GLDC: variants seen among roughly 807,000 people sequenced by gnomAD.
GLDC encodes glycine decarboxylase.
GLDC carries 104 observed loss-of-function variants against 121.3 expected under a neutral mutation model. That is an observed-to-expected ratio of 0.86 (90% confidence interval 0.73 to 1.01). GLDC has a LOEUF of 1.01. Among genes scored for constraint, GLDC ranks in the 50% least tolerant of loss-of-function variants. The pLI is 0.00. For missense variants in GLDC, 1,429 were observed against 1,306.6 expected (o/e 1.09, Z -1.44); for synonymous variants, 546 against 480.6 (o/e 1.14, Z -1.78).
intron 2 of GLDC, among the ~76,000 whole-genome samples, chr9:6,640,823 G>C (rs1245807164): frequency 1.3e-5 from 2 of 152,142 alleles, no homozygotes; most frequent in Non-Finnish European, 2.9e-5. Flanking sequence ...TTTTAACTTT[G>C]AATTAATTAT....
chr9:6,573,189 C>T lies in GLDC; in HGVS notation c.1851-7760G>A, dbSNP rs1438484010. Among the ~76,000 whole-genome samples, 5 of 152,148 alleles carry T rather than the reference C, an allele frequency of 3.3e-5. No homozygotes were observed. The East Asian group carries it at 7.7e-4, about 24-fold the overall frequency. ...ACTAGGGAGGCTGAGACACAAGAAT[C>T]GCTGTAATCCCAGCACTTTGGGAGG... On this transcript the variant is annotated intron_variant, in intron 15 of 24. Coordinates refer to ENST00000321612, the MANE Select transcript of GLDC (RefSeq NM_000170.3).
At chr9:6,603,528 T>A (rs753388980) in intron 7 of GLDC, among the ~76,000 whole-genome samples, 1 of 145,502 alleles carries the variant, frequency 6.9e-6, no homozygotes. Context: ...TGAGACTTGG[T>A]CTCAAAATAA....
At chr9:6,568,543 T>C (rs971721360) in intron 15 of GLDC, among the ~76,000 whole-genome samples, 1 of 152,230 alleles carries the variant, frequency 6.6e-6, no homozygotes, top group East Asian at 1.9e-4. Context: ...GCTTAAACTG[T>C]CCTAGAAAAA....
chr9:6,558,503 C>T, intron 17 of GLDC, 56 bp downstream of exon 17: 1 of 1,597,902 alleles, frequency 6.3e-7, no homozygotes, highest in South Asian at 1.1e-5. Flanking sequence ...AGTCCCTGAT[C>T]CCCACCAGCA....
intron 1 of GLDC, 187 bp from the exon 2 acceptor site, chr9:6,644,879 A>C: frequency 1.6e-6 from 1 of 641,992 alleles, no homozygotes; most frequent in Non-Finnish European, 2.8e-6. Context: ...AGTGGGGTGG[A>C]GATTCCGCCA....
chr9:6,618,966 AC>A lies in GLDC; in HGVS notation c.470+1217del, dbSNP rs1221447673. Among the ~76,000 whole-genome samples, 3 of 151,596 alleles carry A rather than the reference AC, an allele frequency of 2.0e-5. No individual in the cohort carries two copies. In the East Asian group the frequency reaches 5.9e-4, roughly 30 times the overall value. ...AGACCAGCCTGGCCAAGATGGTGAAACCCCGTCTCTACTAAAAATGCAAAAA... is the reference window on the plus strand; with the variant it reads ...AGACCAGCCTGGCCAAGATGGTGAAACCCGTCTCTACTAAAAATGCAAAAA... On this transcript the variant is annotated intron_variant, in intron 3 of 24. Transcript: ENST00000321612.
At chr9:6,618,211 T>G (rs965806281) in intron 3 of GLDC, among the ~76,000 whole-genome samples, 1 of 152,186 alleles carries the variant, frequency 6.6e-6, no homozygotes, top group Admixed American at 6.5e-5. Context: ...AAATAAAATT[T>G]CAACTCAGTG....
chr9:6,552,715 C>T (rs1817540130), intron 20 of GLDC, among the ~76,000 whole-genome samples: 1 of 152,130 alleles, frequency 6.6e-6, no homozygotes, highest in Non-Finnish European at 1.5e-5. Context: ...TTCTTATTCA[C>T]AGTCTTGTCA....
intron 11 of GLDC, among the ~76,000 whole-genome samples, chr9:6,591,342 A>T (rs887604582): frequency 6.6e-6 from 1 of 152,164 alleles, no homozygotes; most frequent in African/African-American, 2.4e-5. Context: ...CTCCCAGAAC[A>T]TCTTCACACA....
At chr9:6,555,711 G>C (rs1008136344) in intron 18 of GLDC, among the ~76,000 whole-genome samples, 1 of 152,180 alleles carries the variant, frequency 6.6e-6, no homozygotes, top group Non-Finnish European at 1.5e-5. Context: ...AGAACTGCTT[G>C]AACCCAGGAG....
rs775838335 is a variant in GLDC at position 6,605,302 on chromosome 9, C to T, written c.714-24G>A. ...ATCTGGAAAGACAGACAACAAAGAA[C>T]AATCGTGCTTTCGGTTTATAAGGGA... On this transcript the variant is annotated intron_variant, in intron 5 of 24. Coordinates refer to ENST00000321612, the MANE Select transcript of GLDC (RefSeq NM_000170.3). 6 of 1,612,480 alleles carry T rather than the reference C, an allele frequency of 3.7e-6. No homozygotes were observed. The East Asian group carries it at 8.9e-5, about 24-fold the overall frequency.
At chr9:6,643,376 C>A (rs1048809951) in intron 2 of GLDC, among the ~76,000 whole-genome samples, 1 of 151,162 alleles carries the variant, frequency 6.6e-6, no homozygotes, top group South Asian at 2.1e-4. Context: ...AGGCTCCATA[C>A]CTCAAATGTC....
intron 15 of GLDC, among the ~76,000 whole-genome samples, chr9:6,578,503 G>A (rs771711073): frequency 3.3e-5 from 5 of 151,898 alleles, no homozygotes; most frequent in African/African-American, 7.3e-5. Flanking sequence ...TTTGATATGC[G>A]GTATCTTCAT....
At chr9:6,535,831 C>A in intron 23 of GLDC, 1 of 551,310 alleles carries the variant, frequency 1.8e-6, no homozygotes, top group Admixed American at 3.0e-5. Context: ...GTTACAAATT[C>A]TCCAACTAGA....
chr9:6,610,422 C>A (rs1299296521), intron 3 of GLDC, 66 bp from the exon 4 acceptor site: 3 of 1,510,096 alleles, frequency 2.0e-6, no homozygotes, highest in Admixed American at 1.7e-5. Flanking sequence ...AAAATGCTAT[C>A]ATTTCAGAAT....
rs1817557631 is a variant in GLDC, at chr9:6,553,499, G to A, written c.2326C>T (p.Leu776Phe). Residue 776 changes from leucine to phenylalanine, a missense_variant, in exon 20 of 25, where the codon CTC (leucine) becomes TTC (phenylalanine). Leu to Phe is a conservative substitution (Grantham distance 22, BLOSUM62 0). Coordinates refer to ENST00000321612, the MANE Select transcript of GLDC (RefSeq NM_000170.3). ...GMGPIGVKKH[L>F]APFLPNHPVI... ...GGATGATTGGGCAAAAACGGGGCGAGATGTTTCTTCCTGTATTTTTTTTAA... is the reference window on the plus strand; with the variant it reads ...GGATGATTGGGCAAAAACGGGGCGAAATGTTTCTTCCTGTATTTTTTTTAA... 6.2e-7 allele frequency: 1 copy of A among 1,610,172 alleles called. No homozygotes were observed. The highest frequency in any genetic ancestry group is 8.5e-7 in the Non-Finnish European group (1 of 1,178,280).
chr9:6,569,750 C>T (rs918851135), intron 15 of GLDC, among the ~76,000 whole-genome samples: 14 of 152,012 alleles, frequency 9.2e-5, no homozygotes, highest in South Asian at 2.1e-4. Flanking sequence ...CCGAGGCGAG[C>T]GGATTACCTG....
intron 6 of GLDC, 51 bp from the exon 7 acceptor site, chr9:6,604,835 G>A (rs1297688813): frequency 3.5e-6 from 5 of 1,422,842 alleles, no homozygotes; most frequent in Middle Eastern, 3.5e-4. Flanking sequence ...TTCCCTGAGA[G>A]TAGTGGGAGA....
chr9:6,568,569 C>T (rs1817894365), intron 15 of GLDC, among the ~76,000 whole-genome samples: 1 of 152,112 alleles, frequency 6.6e-6, no homozygotes, highest in African/African-American at 2.4e-5. Flanking sequence ...CCCTCCATGC[C>T]GGGCGTGGTG....
Sources: allele counts gnomAD v4.1 joint callset (sites outside exome capture counted in the v4.1 genomes callset), GRCh38; gene constraint gnomAD v4.1.1; transcripts MANE v1.5; gene names NCBI Gene and HGNC (gene_info 2026-07-23, HGNC 2026-07-21).